Variants in RARB observed in about 807,000 individuals in gnomAD.
RARB encodes HBV-activated protein.
Under a neutral mutation model 51.9 loss-of-function variants are expected in RARB, and 17 were observed. That is an observed-to-expected ratio of 0.33 (90% CI 0.22 to 0.49). The LOEUF (loss-of-function observed/expected upper bound fraction) is 0.49, where lower values mean the gene tolerates loss of function less well. RARB is among the 20% of genes least tolerant of loss of function. The probability of loss-of-function intolerance (pLI) is 0.99; values close to 1 mark genes in which losing one functional copy is unlikely to be tolerated. For synonymous variants in RARB, 215 were observed against 195.4 expected (o/e 1.10, Z -0.84); for missense variants, 369 against 550.8 (o/e 0.67, Z 3.30).
At chr3:25,067,798 G>A (rs571905363) in intron 3 of RARB, among the ~76,000 whole-genome samples, 29 of 151,866 alleles carry the variant, frequency 1.9e-4, no homozygotes, top group African/African-American at 5.8e-4. Flanking sequence ...CAACATTTAC[G>A]TCACAGTTTT....
At chr3:24,977,011 A>G (rs1696530605) in intron 2 of RARB, among the ~76,000 whole-genome samples, 1 of 152,186 alleles carries the variant, frequency 6.6e-6, no homozygotes, top group Admixed American at 6.5e-5. Flanking sequence ...CGCTTATTAA[A>G]TAGGGAATCC....
rs143067342 is a variant in RARB, at chr3:25,400,340, A to G, written c.179-60853A>G. 2.7e-3 allele frequency among the ~76,000 whole-genome samples: 409 copies of G among 152,298 alleles called. 1 individual carries two copies. Among genetic ancestry groups the G allele is most frequent in the African/African-American group, 9.0e-3 (373 of 41,558 alleles). On this transcript the variant is annotated intron_variant, in intron 5 of 11. Transcript: ENST00000383772. ...TATGTATAGATTTGGAGGTTATAGC[A>G]TAAGTATCAAACCTGGTTCTTCTAT... is the stretch of plus-strand genomic sequence containing the variant.
chr3:25,246,590 C>G (rs532150683), intron 5 of RARB, among the ~76,000 whole-genome samples: 6 of 152,208 alleles, frequency 3.9e-5, no homozygotes, highest in African/African-American at 1.4e-4. Context: ...TTCTGCAGGT[C>G]TGCTGGAGTT....
intron 5 of RARB, among the ~76,000 whole-genome samples, chr3:25,305,108 C>T (rs1055057321): frequency 4.6e-5 from 7 of 152,068 alleles, no homozygotes; most frequent in African/African-American, 1.4e-4. Context: ...CACCACTGCC[C>T]CCTCCTGCCT....
chr3:25,315,819 A>G (rs556428630), intron 5 of RARB, among the ~76,000 whole-genome samples: 34 of 151,706 alleles, frequency 2.2e-4, no homozygotes, highest in African/African-American at 5.8e-4. Flanking sequence ...GGGTTTCACT[A>G]TGTTACCCAG....
chr3:25,588,316 G>A (rs1230768376), intron 5 of RARB, among the ~76,000 whole-genome samples: 3 of 152,188 alleles, frequency 2.0e-5, no homozygotes, highest in Admixed American at 2.0e-4. Flanking sequence ...AAACTAACTT[G>A]TAGGAATATA....
At chr3:24,918,529 T>C (rs554386781) in intron 2 of RARB, among the ~76,000 whole-genome samples, 2 of 152,352 alleles carry the variant, frequency 1.3e-5, no homozygotes, top group East Asian at 1.9e-4. Flanking sequence ...TATACACTTA[T>C]AACAGGTGAA....
intron 2 of RARB, among the ~76,000 whole-genome samples, chr3:24,958,193 T>A (rs933345006): frequency 6.7e-6 from 1 of 149,436 alleles, no homozygotes; most frequent in African/African-American, 2.5e-5. Context: ...GGCATTCAAC[T>A]GTTGGACGTG....
At chr3:25,092,910 A>G (rs1440946454) in intron 3 of RARB, among the ~76,000 whole-genome samples, 1 of 152,164 alleles carries the variant, frequency 6.6e-6, no homozygotes. Flanking sequence ...TTCTACAGCT[A>G]AGAGAAACTG....
intron 1 of RARB, among the ~76,000 whole-genome samples, chr3:24,841,096 T>G (rs887998897): frequency 6.6e-6 from 1 of 152,328 alleles, no homozygotes; most frequent in African/African-American, 2.4e-5. Flanking sequence ...TGTAGATAAG[T>G]GTCCAGGAGA....
chr3:25,286,117 G>T (rs1329139313), intron 5 of RARB, among the ~76,000 whole-genome samples: 3 of 116,674 alleles, frequency 2.6e-5, no homozygotes, highest in Non-Finnish European at 4.9e-5. Context: ...TTTTGAGACG[G>T]AGTCTCTGTC....
chr3:24,953,516 G>A (rs1695943262), intron 2 of RARB, among the ~76,000 whole-genome samples: 2 of 152,086 alleles, frequency 1.3e-5, no homozygotes, highest in African/African-American at 4.8e-5. Flanking sequence ...TTCACCTCAG[G>A]CGACAGATCC....
At chr3:25,402,455 A>G (rs1707289283) in intron 5 of RARB, among the ~76,000 whole-genome samples, 2 of 152,204 alleles carry the variant, frequency 1.3e-5, no homozygotes. Flanking sequence ...ACTGCTAGGT[A>G]TATACTCAAA....
chr3:25,135,606 G>T (rs1202198297), intron 4 of RARB, among the ~76,000 whole-genome samples: 1 of 151,956 alleles, frequency 6.6e-6, no homozygotes, highest in African/African-American at 2.4e-5. Context: ...ACAGTTGCGT[G>T]CAACATAGCC....
At chr3:24,963,009 C>A (rs1239676066) in intron 2 of RARB, among the ~76,000 whole-genome samples, 13 of 152,158 alleles carry the variant, frequency 8.5e-5, no homozygotes. Flanking sequence ...TTCCTATAAT[C>A]TTAACTGTTT....
intron 4 of RARB, among the ~76,000 whole-genome samples, chr3:25,137,830 G>A (rs529935006): frequency 5.3e-5 from 8 of 151,926 alleles, no homozygotes; most frequent in African/African-American, 9.7e-5. Flanking sequence ...CTGTCCTTTC[G>A]GCCCACAGCC....
chr3:25,141,548 A>G (rs1023041928), intron 4 of RARB, among the ~76,000 whole-genome samples: 9 of 152,184 alleles, frequency 5.9e-5, no homozygotes, highest in East Asian at 1.9e-4. Flanking sequence ...CCTTAGGACC[A>G]TGGGAGATGT....
At chr3:25,578,500 A>G (rs372115030) in intron 4 of RARB, among the ~76,000 whole-genome samples, 9 of 152,164 alleles carry the variant, frequency 5.9e-5, no homozygotes, top group African/African-American at 2.2e-4. Flanking sequence ...TGGATACTCT[A>G]TTGTAAAATG....
chr3:25,468,372 CTT>C (rs34870919), intron 2 of RARB, among the ~76,000 whole-genome samples: 41 of 81,702 alleles, frequency 5.0e-4, no homozygotes, highest in African/African-American at 9.2e-4. Context: ...GGCATTTGGG[CTT>C]TTTTTTTTTT....
Sources: allele counts gnomAD v4.1 joint callset (sites outside exome capture counted in the v4.1 genomes callset), GRCh38; gene constraint gnomAD v4.1.1; transcripts MANE v1.5; gene names NCBI Gene and HGNC (gene_info 2026-07-23, HGNC 2026-07-21).